PPA2: variants seen among roughly 807,000 people sequenced by gnomAD.
PPA2 encodes the protein inorganic pyrophosphatase 2.
Under a neutral mutation model 49.5 loss-of-function variants are expected in PPA2, and 48 were observed. That is an observed-to-expected ratio of 0.97 (90% confidence interval 0.77 to 1.23). PPA2 has a LOEUF of 1.23. Among genes scored for constraint, PPA2 ranks in the 50% most tolerant of loss-of-function variants. The pLI is 0.00. For missense variants in PPA2, 429 were observed against 410.1 expected (o/e 1.05, Z -0.40); for synonymous variants, 131 against 139.9 (o/e 0.94, Z 0.45).
intron 7 of PPA2, among the ~76,000 whole-genome samples, chr4:105,413,952 C>G (rs1578835686): frequency 6.6e-6 from 1 of 152,290 alleles, no homozygotes; most frequent in East Asian, 1.9e-4. Context: ...AATAGAATGT[C>G]TGCAACCTAA....
chr4:105,420,183 G>A (rs1723191605), intron 7 of PPA2, among the ~76,000 whole-genome samples: 2 of 152,126 alleles, frequency 1.3e-5, no homozygotes, highest in African/African-American at 4.8e-5. Flanking sequence ...CGTGGGTCAG[G>A]CTGGTCTTGA....
At chr4:105,432,696 C>T (rs1039944548) in intron 6 of PPA2, among the ~76,000 whole-genome samples, 1 of 152,144 alleles carries the variant, frequency 6.6e-6, no homozygotes, top group Non-Finnish European at 1.5e-5. Context: ...CATAAACTTT[C>T]GTAAAATATT....
intron 6 of PPA2, among the ~76,000 whole-genome samples, chr4:105,432,340 A>G (rs905027399): frequency 6.6e-6 from 1 of 151,996 alleles, no homozygotes; most frequent in African/African-American, 2.4e-5. Flanking sequence ...AAAAACGTCA[A>G]TCAAAAAAAT....
chr4:105,401,671 A>T (rs1362897599), intron 7 of PPA2, among the ~76,000 whole-genome samples: 1 of 152,190 alleles, frequency 6.6e-6, no homozygotes, highest in Non-Finnish European at 1.5e-5. Context: ...TTAGAGATGA[A>T]CTAATCCAAT....
chr4:105,454,677 C>T (rs879438319), intron 2 of PPA2, among the ~76,000 whole-genome samples: 2 of 152,080 alleles, frequency 1.3e-5, no homozygotes, highest in Non-Finnish European at 2.9e-5. Flanking sequence ...GTACAAAGCA[C>T]GAGTTTTAAT....
intron 10 of PPA2, among the ~76,000 whole-genome samples, chr4:105,376,916 C>T (rs575226158): frequency 6.6e-6 from 1 of 152,130 alleles, no homozygotes; most frequent in South Asian, 2.1e-4. Flanking sequence ...GAGAACCTCA[C>T]ACATTGTTTA....
At chr4:105,408,452 G>C (rs1697877706) in intron 7 of PPA2, among the ~76,000 whole-genome samples, 1 of 152,170 alleles carries the variant, frequency 6.6e-6, no homozygotes, top group Non-Finnish European at 1.5e-5. Context: ...CAGTGTGGGA[G>C]ATAGATTTTT....
At chr4:105,384,855 T>C (rs569257008) in intron 10 of PPA2, among the ~76,000 whole-genome samples, 3 of 152,310 alleles carry the variant, frequency 2.0e-5, no homozygotes, top group East Asian at 1.9e-4. Flanking sequence ...CCCTACCTCA[T>C]TCAGAATAAG....
intron 7 of PPA2, among the ~76,000 whole-genome samples, chr4:105,416,169 C>G (rs1464621989): frequency 6.6e-6 from 1 of 152,208 alleles, no homozygotes; most frequent in African/African-American, 2.4e-5. Flanking sequence ...CATCCGCTTT[C>G]ACAAATTGAG....
chr4:105,459,424 T>C (rs760012619), intron 1 of PPA2, among the ~76,000 whole-genome samples: 1 of 152,224 alleles, frequency 6.6e-6, no homozygotes, highest in Non-Finnish European at 1.5e-5. Context: ...GATACTAAAG[T>C]GGGCCACATT....
In PPA2 at chr4:105,453,795, G is replaced by A. The variant is rs17035617; in HGVS notation, c.223-153C>T. The A allele has an allele frequency of 4.4e-3, 2,215 of 497,902 alleles. 38 individuals carry two copies. Among genetic ancestry groups the A allele is most frequent in the African/African-American group, 0.04 (1,989 of 50,332 alleles). The allele number at this position is 497,902 out of a possible 1,614,324, so 30.8% of individuals were successfully genotyped here. On this transcript the variant is annotated intron_variant, in intron 2 of 11. Transcript: ENST00000341695. ...AGAGAACCTACCAAATGCCCACTTC[G>A]TTCTCCCCTGAGCATTTGTATCCCC...
intron 5 of PPA2, among the ~76,000 whole-genome samples, chr4:105,444,767 G>C (rs1157996522): frequency 6.6e-6 from 1 of 152,118 alleles, no homozygotes; most frequent in Non-Finnish European, 1.5e-5. Flanking sequence ...ATAACCAGCA[G>C]TTTAGTTCTT....
At chr4:105,419,183 T>C (rs1354515682) in intron 7 of PPA2, among the ~76,000 whole-genome samples, 3 of 152,120 alleles carry the variant, frequency 2.0e-5, no homozygotes, top group Non-Finnish European at 1.5e-5. Flanking sequence ...ATACTTTAAG[T>C]TTTAGGGTAC....
chr4:105,450,646 C>T (rs1305180137), intron 3 of PPA2, among the ~76,000 whole-genome samples: 3 of 119,902 alleles, frequency 2.5e-5, no homozygotes, highest in Non-Finnish European at 4.9e-5. Context: ...CTCGCTTTGT[C>T]GCCCAGGCTG....
intron 4 of PPA2, 85 bp from the exon 5 acceptor site, chr4:105,446,587 A>G: frequency 7.1e-7 from 1 of 1,410,364 alleles, no homozygotes; most frequent in Admixed American, 2.4e-5. Context: ...AAAATCTGCT[A>G]TTTTCAGACT....
intron 1 of PPA2, among the ~76,000 whole-genome samples, chr4:105,465,809 A>G (rs1436314450): frequency 6.6e-6 from 1 of 152,182 alleles, no homozygotes; most frequent in Admixed American, 6.5e-5. Context: ...TGGGGGGGTC[A>G]GAAAACTTGG....
At chr4:105,462,068 T>C (rs1283292000) in intron 1 of PPA2, among the ~76,000 whole-genome samples, 1 of 152,256 alleles carries the variant, frequency 6.6e-6, no homozygotes, top group East Asian at 1.9e-4. Flanking sequence ...GTAGTATCTA[T>C]CCTGATCCTC....
intron 5 of PPA2, among the ~76,000 whole-genome samples, chr4:105,442,734 T>C (rs143583753): frequency 1.6e-4 from 24 of 152,284 alleles, no homozygotes; most frequent in African/African-American, 5.8e-4. Context: ...GTCTGAATAA[T>C]GATGGTATAC....
chr4:105,388,687 T>C (rs1252361328), intron 9 of PPA2, among the ~76,000 whole-genome samples: 1 of 152,022 alleles, frequency 6.6e-6, no homozygotes, highest in Non-Finnish European at 1.5e-5. Flanking sequence ...TAGCCAGGCA[T>C]GGTGGCACAC....
Sources: gnomAD v4.1 joint callset for allele counts (sites outside exome capture counted in the v4.1 genomes callset) on GRCh38, gnomAD v4.1.1 for gene constraint, MANE v1.5 for transcripts, NCBI Gene and HGNC (gene_info 2026-07-23, HGNC 2026-07-21) for gene names.